Variants in MYB observed in about 807,000 individuals in gnomAD.
The protein encoded by MYB is MYB proto-oncogene, transcription factor, also known as transcriptional activator Myb.
MYB carries 28 observed loss-of-function variants against 92.9 expected under a neutral mutation model. That is an observed-to-expected ratio of 0.30 (90% CI 0.22 to 0.41). MYB has a LOEUF of 0.41. Among genes scored for constraint, MYB ranks in the 10% least tolerant of loss-of-function variants. MYB has a pLI of 1.00. For synonymous variants in MYB, 295 were observed against 329.1 expected, an observed-to-expected ratio of 0.90 and a Z score of 1.12; for missense variants, 679 against 929.3, an observed-to-expected ratio of 0.73 and a Z score of 3.50.
At position 135,194,890 on chromosome 6, in the gene MYB, G is replaced by A. The variant is rs893372253; in HGVS notation, c.948+430G>A. The A allele has an allele frequency of 2.4e-6, 3 of 1,224,632 alleles. No individual in the cohort carries two copies. The Admixed American group carries it at 8.0e-5, about 33-fold the overall frequency. The allele number at this position is 1,224,632 out of a possible 1,614,324, so 75.9% of individuals were successfully genotyped here. On this transcript the variant is annotated intron_variant, in intron 8 of 15. Transcript: ENST00000341911. ...TTTGATGCATGTTCAGTATATACAT[G>A]TAAAAGGTTATATATAAAACCTCTT... is the stretch of plus-strand genomic sequence containing the variant.
chr6:135,206,695 C>CAAAT lies in MYB; in HGVS notation c.2169+3374_2169+3375insTAAA, dbSNP rs774587144. On this transcript the variant is annotated intron_variant, in intron 15 of 15. Coordinates refer to ENST00000341911, the MANE Select transcript of MYB (RefSeq NM_001130173.2). Reference sequence around the variant, plus strand: ...TAGGCAATAGAGTGAGACTCTATCTCAAACAAACAAACAAAAATTTAATCT... The same window carrying CAAAT: ...TAGGCAATAGAGTGAGACTCTATCTCAAATAAACAAACAAACAAAAATTTAATCT... Among the ~76,000 whole-genome samples, 6 of 152,206 alleles carry CAAAT rather than the reference C, an allele frequency of 3.9e-5. No homozygotes were observed. In the East Asian group the frequency reaches 1.2e-3, roughly 29 times the overall value.
In MYB at chr6:135,196,569, G is replaced by A. The variant is rs73555741; in HGVS notation, c.1204-392G>A. 3.3e-3 allele frequency among the ~76,000 whole-genome samples: 500 copies of A among 152,222 alleles called. 2 individuals are homozygous for A. Among genetic ancestry groups the A allele is most frequent in the African/African-American group, 0.012 (484 of 41,520 alleles). ...GCTTCACTGAGATGAATCATCTTTC[G>A]TGAAACAAATTTGTATTCAGCACCT... On this transcript the variant is annotated intron_variant, in intron 9 of 15. Coordinates refer to ENST00000341911, the MANE Select transcript of MYB (RefSeq NM_001130173.2).
intron 15 of MYB, among the ~76,000 whole-genome samples, chr6:135,211,590 T>A (rs984411591): frequency 6.6e-6 from 1 of 152,186 alleles, no homozygotes; most frequent in Non-Finnish European, 1.5e-5. Context: ...GGAACTCATA[T>A]GTGACTAAGG....
At chr6:135,204,911 C>G (rs774656671) in intron 15 of MYB, among the ~76,000 whole-genome samples, 8 of 152,156 alleles carry the variant, frequency 5.3e-5, no homozygotes, top group Middle Eastern at 3.4e-3. Context: ...AGTTTGAGAC[C>G]AGCCTGGCCA....
At chr6:135,201,055 G>A (rs1343390267) in intron 13 of MYB, among the ~76,000 whole-genome samples, 1 of 152,002 alleles carries the variant, frequency 6.6e-6, no homozygotes, top group Non-Finnish European at 1.5e-5. Flanking sequence ...CTCCAGCCTG[G>A]GAGACAGCAA....
intron 3 of MYB, 98 bp downstream of exon 3, chr6:135,188,003 C>G (rs1776142609): frequency 2.5e-6 from 2 of 784,922 alleles, no homozygotes; most frequent in Non-Finnish European, 2.0e-6. Context: ...GTATAATTTA[C>G]TCACATTTAA....
chr6:135,217,131 G>C (rs1164133267), intron 15 of MYB, among the ~76,000 whole-genome samples: 2 of 152,148 alleles, frequency 1.3e-5, no homozygotes, highest in African/African-American at 4.8e-5. Flanking sequence ...CACTTTGGGA[G>C]GCCAAGACCG....
intron 3 of MYB, among the ~76,000 whole-genome samples, chr6:135,188,212 T>C (rs1209453077): frequency 1.3e-5 from 2 of 152,220 alleles, no homozygotes; most frequent in Non-Finnish European, 2.9e-5. Flanking sequence ...TTGATTAAAC[T>C]TGATATTTCC....
At chr6:135,186,063 T>G in intron 2 of MYB, 43 bp downstream of exon 2, 1 of 1,557,902 alleles carries the variant, frequency 6.4e-7, no homozygotes, top group South Asian at 1.1e-5. Flanking sequence ...AGATAGAGTG[T>G]ATAATTTATA....
chr6:135,210,643 GT>G (rs1316110503), intron 15 of MYB, among the ~76,000 whole-genome samples: 1 of 152,220 alleles, frequency 6.6e-6, no homozygotes, highest in Non-Finnish European at 1.5e-5. Context: ...CAGAACCTGG[GT>G]TCCAGGCTAG....
rs1311194659 is a variant in MYB, at chr6:135,181,887, C to T, written c.23+351C>T. On this transcript the variant is annotated intron_variant, in intron 1 of 15. Transcript: ENST00000341911. This position sits in a 1 kb window ranked among gnomAD's most constrained non-coding sequence, Gnocchi z 5.3. ...CCACCAGGTGCCTGGCTTGATGCCG[C>T]GGGTGTCGGCGAGGGATCCGCAGCG... Among the ~76,000 whole-genome samples the T allele has an allele frequency of 2.6e-5, 4 of 152,200 alleles. No homozygotes were observed. The highest frequency in any genetic ancestry group is 5.9e-5 in the Non-Finnish European group (4 of 68,026).
chr6:135,197,237 G>A lies in MYB; in HGVS notation c.1480G>A (p.Asp494Asn), dbSNP rs924534808. Residue 494 changes from aspartate to asparagine, a missense_variant, in exon 10 of 16, where the codon GAC (aspartate) becomes AAC (asparagine). Coordinates refer to ENST00000341911, the MANE Select transcript of MYB (RefSeq NM_001130173.2). ...CCAGGCCAGCCCCTTAGCCACTGGA[G>A]ACTGTAGCTCCTTCATATTTGCTGA... is the stretch of plus-strand genomic sequence containing the variant. ...RGQASPLATG[D>N]CSSFIFADVS... The A allele has an allele frequency of 6.2e-7, 1 of 1,613,882 alleles. No individual in the cohort carries two copies. Among genetic ancestry groups the A allele is most frequent in the East Asian group, 2.2e-5 (1 of 44,902 alleles).
rs1294474255 is a variant in MYB at position 135,200,317 on chromosome 6, G to T, written c.1852G>T (p.Asp618Tyr). The change falls in exon 13 of 16, where the codon GAT (aspartate) becomes TAT (tyrosine). Residue 618 changes from aspartate to tyrosine, a missense_variant. By Grantham distance (160) the Asp-to-Tyr change is radical (BLOSUM62 -3). Transcript: ENST00000341911. ...LPQTPSHLVE[D>Y]LQDVIKQESD... Reference sequence around the variant, plus strand: ...TCAGACACCCTCTCATCTAGTAGAAGATCTGCAGGATGTGATCAAACAGGA... The same window carrying T: ...TCAGACACCCTCTCATCTAGTAGAATATCTGCAGGATGTGATCAAACAGGA... 6.2e-7 allele frequency: 1 copy of T among 1,614,132 alleles called. No homozygotes were observed. The highest frequency in any genetic ancestry group is 8.5e-7 in the Non-Finnish European group (1 of 1,180,026).
chr6:135,199,977 G>A (rs1013354161), intron 11 of MYB, 108 bp from the exon 12 acceptor site: 37 of 849,504 alleles, frequency 4.4e-5, no homozygotes, highest in Middle Eastern at 2.3e-4. Context: ...TTCCATATCC[G>A]GAACAGAGTT....
intron 13 of MYB, chr6:135,200,632 C>T (rs1777939170): frequency 4.6e-6 from 3 of 653,804 alleles, no homozygotes; most frequent in Admixed American, 2.1e-5. Context: ...CATGTTTGGA[C>T]AGAAAACATA....
At chr6:135,183,258 G>C (rs1775403515) in intron 1 of MYB, among the ~76,000 whole-genome samples, 1 of 152,098 alleles carries the variant, frequency 6.6e-6, no homozygotes, top group Admixed American at 6.5e-5. Context: ...TTCTTGCAAG[G>C]GCGAGCGTCA....
intron 1 of MYB, among the ~76,000 whole-genome samples, chr6:135,183,524 C>CT (rs1176688234): frequency 6.6e-6 from 1 of 152,248 alleles, no homozygotes; most frequent in Non-Finnish European, 1.5e-5. Flanking sequence ...TGAAAATCCT[C>CT]TGACTGTTGG....
Position 135,193,891 on chromosome 6 carries a change from C to T in MYB, c.816C>T (p.Val272=). The T allele has an allele frequency of 6.2e-7, 1 of 1,612,562 alleles. No homozygotes were observed. The highest frequency in any genetic ancestry group is 8.5e-7 in the Non-Finnish European group (1 of 1,178,630). The part of the protein sequence containing the change: ...PVALHVNIVN[V]PQPAAAAIQR... ...CGTTACATGTAAATATAGTCAATGT[C>T]CCTCAGCCAGCTGCCGCAGCCATTC... The change falls in exon 7 of 16, where the codon GTC becomes GTT. Residue 272 remains valine (V), a synonymous_variant. Transcript: ENST00000341911.
intron 2 of MYB, among the ~76,000 whole-genome samples, chr6:135,186,246 G>A (rs1775896546): frequency 6.6e-6 from 1 of 152,124 alleles, no homozygotes; most frequent in Admixed American, 6.5e-5. Context: ...GGCTTCATCT[G>A]TGTTTCCTTT....
Sources: gnomAD v4.1 joint callset for allele counts (sites outside exome capture counted in the v4.1 genomes callset) on GRCh38, gnomAD v4.1.1 for gene constraint, Gnocchi (gnomAD v3.1) non-coding constraint, MANE v1.5 for transcripts, NCBI Gene and HGNC (gene_info 2026-07-23, HGNC 2026-07-21) for gene names.